RAB3GAP2: variants seen among roughly 807,000 people sequenced by gnomAD.
RAB3GAP2 encodes rab3 GTPase-activating protein non-catalytic subunit.
A neutral mutation model predicts 185.3 loss-of-function variants in RAB3GAP2; 87 were observed. The observed-to-expected ratio is 0.47, with a 90% CI of 0.39 to 0.56. The LOEUF (loss-of-function observed/expected upper bound fraction) is 0.56. Ranked by LOEUF, RAB3GAP2 falls within the 20% of genes least tolerant of loss-of-function variation. The pLI is 0.00. For missense variants in RAB3GAP2, 1,492 were observed against 1,638.2 expected, an observed-to-expected ratio of 0.91 and a Z score of 1.54; for synonymous variants, 554 against 576.1, an observed-to-expected ratio of 0.96 and a Z score of 0.55.
rs1418937696 is a variant in RAB3GAP2, at chr1:220,261,025, T to C, written c.115+11198A>G. Among the ~76,000 whole-genome samples, 6 of 152,130 alleles carry C rather than the reference T, an allele frequency of 3.9e-5. No homozygotes were observed. The East Asian group carries it at 1.2e-3, about 29-fold the overall frequency. On this transcript the variant is annotated intron_variant, in intron 1 of 34. Transcript: ENST00000358951. ...AGGTTTTAACGTCTGAAAGGTAGAG[T>C]ATGAGTAGCCAGGTGGTGGTTTTTA...
intron 1 of RAB3GAP2, among the ~76,000 whole-genome samples, chr1:220,269,579 G>A (rs554021584): frequency 1.8e-4 from 27 of 152,166 alleles, no homozygotes; most frequent in East Asian, 3.9e-4. Context: ...AACATTAGCC[G>A]GGCATGGTGG....
chr1:220,189,179 T>A (rs1658561230), intron 17 of RAB3GAP2, among the ~76,000 whole-genome samples: 1 of 151,734 alleles, frequency 6.6e-6, no homozygotes, highest in African/African-American at 2.4e-5. Flanking sequence ...CACACATATT[T>A]ACTATTTTAT....
intron 21 of RAB3GAP2, among the ~76,000 whole-genome samples, chr1:220,174,259 T>TACAC (rs759823589): frequency 2.6e-5 from 4 of 151,540 alleles, no homozygotes; most frequent in African/African-American, 9.7e-5. Flanking sequence ...CACACATATA[T>TACAC]ACACACACAC....
chr1:220,248,024 T>A (rs28374011), intron 1 of RAB3GAP2, among the ~76,000 whole-genome samples: 4 of 139,982 alleles, frequency 2.9e-5, no homozygotes, highest in Non-Finnish European at 4.5e-5. Context: ...AAAAATATTA[T>A]GAGATCCAGG....
chr1:220,252,729 A>C (rs1474188224), intron 1 of RAB3GAP2, among the ~76,000 whole-genome samples: 1 of 152,188 alleles, frequency 6.6e-6, no homozygotes, highest in Non-Finnish European at 1.5e-5. Flanking sequence ...TCATGAGCCC[A>C]CACCACCAGG....
Position 220,158,629 on chromosome 1 carries a change from T to C in RAB3GAP2, c.3262-753A>G, listed in dbSNP as rs943929565. On this transcript the variant is annotated intron_variant, in intron 29 of 34. Coordinates refer to ENST00000358951, the MANE Select transcript of RAB3GAP2 (RefSeq NM_012414.4). This position sits in a 1 kb window ranked among gnomAD's most constrained non-coding sequence, Gnocchi z 4.3. ...CTAGTTTTTCTATTTTTAGTAGAGA[T>C]GGGGTTTCACCTTGTTGGTCAGGCT... Among the ~76,000 whole-genome samples, 1 of 152,044 alleles carries C rather than the reference T, an allele frequency of 6.6e-6. No homozygotes were observed. The highest frequency in any genetic ancestry group is 1.5e-5 in the Non-Finnish European group (1 of 67,986).
At chr1:220,214,016 T>A (rs775732185) in intron 2 of RAB3GAP2, 37 bp from the exon 3 acceptor site, 3 of 1,607,040 alleles carry the variant, frequency 1.9e-6, no homozygotes, top group Admixed American at 3.3e-5. Context: ...TATGCAAAAA[T>A]ACCAAGAGTA....
At chr1:220,157,511 A>G in intron 30 of RAB3GAP2, 23 bp from the exon 31 acceptor site, 1 of 1,605,806 alleles carries the variant, frequency 6.2e-7, no homozygotes. Context: ...AGAATGGAGG[A>G]CTGTGTTCAG....
intron 9 of RAB3GAP2, 50 bp downstream of exon 9, chr1:220,202,225 TA>T: frequency 6.4e-7 from 1 of 1,571,990 alleles, no homozygotes; most frequent in South Asian, 1.2e-5. Context: ...GATACTTCAA[TA>T]AAAAGTGTAA....
chr1:220,250,641 T>A (rs1659915395), intron 1 of RAB3GAP2, among the ~76,000 whole-genome samples: 1 of 152,210 alleles, frequency 6.6e-6, no homozygotes, highest in South Asian at 2.1e-4. Context: ...AAATCTCATC[T>A]TGAATTGTAC....
intron 2 of RAB3GAP2, among the ~76,000 whole-genome samples, chr1:220,221,953 T>C (rs970551592): frequency 1.3e-5 from 2 of 152,234 alleles, no homozygotes; most frequent in East Asian, 3.8e-4. Context: ...TTTAGTACGA[T>C]AAGTCCATCA....
intron 1 of RAB3GAP2, among the ~76,000 whole-genome samples, chr1:220,237,712 G>A (rs911007783): frequency 1.1e-4 from 17 of 152,192 alleles, no homozygotes; most frequent in Middle Eastern, 3.4e-3. Flanking sequence ...CTAAGTGCTG[G>A]TCTAATTTAA....
In RAB3GAP2 at chr1:220,272,390, C is replaced by G. The variant is rs537213721; in HGVS notation, c.-53G>C. ...CACCTTACCTCACCACGCCCTGCCC[C>G]CTCCACCCCACTGCGGCCGCCACCG... On this transcript the variant is annotated 5_prime_UTR_variant, in exon 1 of 35. Transcript: ENST00000358951. The G allele has an allele frequency of 1.5e-6, 2 of 1,338,814 alleles. No homozygotes were observed. Among genetic ancestry groups the G allele is most frequent in the East Asian group, 2.4e-5 (1 of 41,944 alleles). The allele number at this position is 1,338,814 out of a possible 1,614,324, so 82.9% of individuals were successfully genotyped here. A position where few individuals can be genotyped will look rare whatever the true frequency, so the allele number is the denominator to read the frequency against.
rs1658703270 is a variant in RAB3GAP2, at chr1:220,195,303, A to G, written c.1035T>C (p.Ala345=). ...TTTAATTGTTAAGTAATTACCTGGC[A>G]GCATTAAATAAAGCAGAAGTGAGTT... ...ASKLTSALFN[A]ASGWLGWKSK... Residue 345 remains alanine, a synonymous_variant, in exon 11 of 35, where the codon GCT becomes GCC. Transcript: ENST00000358951. 1 of 1,608,362 alleles carries G rather than the reference A, an allele frequency of 6.2e-7. No homozygotes were observed. The highest frequency in any genetic ancestry group is 1.3e-5 in the African/African-American group (1 of 74,940).
chr1:220,210,679 C>T, intron 6 of RAB3GAP2, 122 bp downstream of exon 6: 4 of 1,140,296 alleles, frequency 3.5e-6, no homozygotes, highest in East Asian at 2.6e-5. Context: ...CCTCTACCCC[C>T]ATAAAGAATC....
Position 220,172,011 on chromosome 1 carries a change from G to C in RAB3GAP2, c.2455C>G (p.Pro819Ala). Residue 819 changes from proline (P) to alanine (A), a missense_variant, in exon 23 of 35, where the codon CCA (proline) becomes GCA (alanine). Physicochemically the swap from Pro to Ala is conservative, Grantham distance 27. Coordinates refer to ENST00000358951, the MANE Select transcript of RAB3GAP2 (RefSeq NM_012414.4). ...DETWDSQSVS[P>A]WWQQMRTACI... ...GCTGTGCGCATCTGCTGCCACCATG[G>C]GGACACAGACTGAGAATCCCAGGTC... The C allele has an allele frequency of 1.9e-6, 3 of 1,614,104 alleles. No homozygotes were observed. The highest frequency in any genetic ancestry group is 2.5e-6 in the Non-Finnish European group (3 of 1,180,012).
chr1:220,202,505 G>T, intron 8 of RAB3GAP2, 131 bp from the exon 9 acceptor site: 1 of 921,382 alleles, frequency 1.1e-6, no homozygotes, highest in Non-Finnish European at 1.7e-6. Context: ...ATGAAAACAA[G>T]GCATAAGGTG....
chr1:220,186,593 C>T (rs187699818), intron 17 of RAB3GAP2, among the ~76,000 whole-genome samples: 275 of 152,176 alleles, frequency 1.8e-3, no homozygotes, highest in African/African-American at 6.3e-3. Context: ...CTATGATTAC[C>T]CAGGCTAGCA....
At chr1:220,164,540 T>C (rs1658030220) in intron 27 of RAB3GAP2, among the ~76,000 whole-genome samples, 193 bp downstream of exon 27, 1 of 148,348 alleles carries the variant, frequency 6.7e-6, no homozygotes, top group Admixed American at 6.8e-5. Flanking sequence ...AGTGGTGTGA[T>C]CATAGCTCAC....
Sources: gnomAD v4.1 joint callset for allele counts (sites outside exome capture counted in the v4.1 genomes callset) on GRCh38, gnomAD v4.1.1 for gene constraint, Gnocchi (gnomAD v3.1) non-coding constraint, MANE v1.5 for transcripts, NCBI Gene and HGNC (gene_info 2026-07-23, HGNC 2026-07-21) for gene names.